The following MRPL28 variants were observed in gnomAD, a reference collection of about 807,000 sequenced individuals.
The protein encoded by MRPL28 is mitochondrial ribosomal protein L28.
A neutral mutation model predicts 26.2 loss-of-function variants in MRPL28; 25 were observed. The observed-to-expected ratio is 0.95, with a 90% CI of 0.69 to 1.33. The LOEUF (loss-of-function observed/expected upper bound fraction) is 1.33. Ranked by LOEUF, MRPL28 falls within the 40% of genes most tolerant of loss-of-function variation. MRPL28 has a pLI of 0.00. For missense variants in MRPL28, 432 were observed against 327.2 expected (o/e 1.32, Z -2.47); for synonymous variants, 227 against 140.1 (o/e 1.62, Z -4.38).
intron 3 of MRPL28, 114 bp downstream of exon 3, chr16:368,954 G>A: frequency 2.3e-6 from 3 of 1,321,836 alleles, no homozygotes; most frequent in South Asian, 1.4e-5. Context: ...CTTTCCCAGT[G>A]ACCCTCCTGT....
In MRPL28 at chr16:368,521, C is replaced by A. The variant is rs773932684; in HGVS notation, c.556G>T (p.Ala186Ser). 1.9e-6 allele frequency: 3 copies of A among 1,593,862 alleles called. No individual in the cohort carries two copies. Among genetic ancestry groups the A allele is most frequent in the South Asian group, 2.2e-5 (2 of 89,080 alleles). ...CTCACCTTGTACTTGTCGTAGATGG[C>A]TGCCCGCCGCTCGGGGTCCTCGGGG... ...LHPEDPERRA[A>S]IYDKYKEFAI... The change falls in exon 4 of 6, where the codon GCC becomes TCC. Residue 186 changes from alanine (A) to serine (S), a missense_variant. Physicochemically the swap from Ala to Ser is moderately conservative, Grantham distance 99 (BLOSUM62 1). Coordinates refer to ENST00000199706, the MANE Select transcript of MRPL28 (RefSeq NM_006428.5).
Position 370,283 on chromosome 16 carries a change from CCCCCTACCCCGGCCCCCGA to C in MRPL28, c.-7-77_-7-59del. The stretch of plus-strand genomic sequence containing the variant: ...AGCCTGGCCAGGCCCCCGGCACTCA[CCCCCTACCCCGGCCCCCGA>C]CTCTCACCCGCTACCCCGGCCCCCG... On this transcript the variant is annotated intron_variant, in intron 1 of 5. Transcript: ENST00000199706. 1.2e-5 allele frequency: 17 copies of C among 1,447,088 alleles called. 2 individuals carry two copies. Among genetic ancestry groups the C allele is most frequent in the Non-Finnish European group, 1.0e-5 (11 of 1,098,468 alleles). The allele number at this position is 1,447,088 out of a possible 1,614,324, so 89.6% of individuals were successfully genotyped here. A position where few individuals can be genotyped will look rare whatever the true frequency, so the allele number is the denominator to read the frequency against.
chr16:368,453 G>T (rs1355663094), intron 4 of MRPL28, 39 bp from the exon 5 acceptor site: 2 of 1,613,256 alleles, frequency 1.2e-6, no homozygotes, highest in African/African-American at 2.7e-5. Flanking sequence ...GAGGCCCAGG[G>T]CCGGGCCACG....
intron 3 of MRPL28, 138 bp from the exon 4 acceptor site, chr16:368,773 C>A (rs2054285824): frequency 7.4e-7 from 1 of 1,345,100 alleles, no homozygotes; most frequent in African/African-American, 1.5e-5. Context: ...CGCCTCAGCA[C>A]CCCAGCCTGG....
At chr16:368,761 G>C in intron 3 of MRPL28, 126 bp from the exon 4 acceptor site, 1 of 1,405,610 alleles carries the variant, frequency 7.1e-7, no homozygotes. Context: ...CCCGGGTGGG[G>C]CCGCCTCAGC....
intron 1 of MRPL28, 37 bp from the exon 2 acceptor site, chr16:370,262 T>C (rs1409946478): frequency 1.3e-6 from 2 of 1,500,528 alleles, no homozygotes; most frequent in Admixed American, 2.0e-5. Flanking sequence ...AGTCGCAGCC[T>C]GGCCAGGCCC....
intron 3 of MRPL28, 139 bp downstream of exon 3, chr16:368,929 A>G (rs775972187): frequency 8.6e-7 from 1 of 1,165,270 alleles, no homozygotes; most frequent in Non-Finnish European, 1.2e-6. Flanking sequence ...AGAAAGGGGC[A>G]TGGCCCCACT....
At chr16:368,231 C>A in intron 5 of MRPL28, 97 bp downstream of exon 5, 1 of 1,422,822 alleles carries the variant, frequency 7.0e-7, no homozygotes, top group South Asian at 1.2e-5. Context: ...ACCCAGTGCA[C>A]CAGCCCCTTG....
chr16:370,302 A>ACTCTCACCCGCTACCCCGGCCGCCGG, intron 1 of MRPL28, 77 bp from the exon 2 acceptor site: 1 of 194,104 alleles, frequency 5.2e-6, no homozygotes, highest in East Asian at 3.3e-4. Context: ...CCGGCCCCCG[A>ACTCTCACCCGCTACCCCGGCCGCCGG]CTCTCACCCG....
intron 5 of MRPL28, 69 bp downstream of exon 5, chr16:368,259 G>A (rs1265575559): frequency 9.0e-6 from 14 of 1,549,386 alleles, no homozygotes; most frequent in Non-Finnish European, 1.2e-5. Flanking sequence ...TCTCTCCAAG[G>A]CAGCACACTC....
rs369130618 is a variant in MRPL28, at chr16:368,530, G to A, written c.547C>T (p.Arg183Trp). The change falls in exon 4 of 6, where the codon CGG becomes TGG. Residue 183 changes from arginine (R) to tryptophan (W), a missense_variant. By Grantham distance (101) the Arg-to-Trp change is moderately radical (BLOSUM62 -3). Coordinates refer to ENST00000199706, the MANE Select transcript of MRPL28 (RefSeq NM_006428.5). ...TACTTGTCGTAGATGGCTGCCCGCC[G>A]CTCGGGGTCCTCGGGGTGCAGCTGG... ...DPQLHPEDPE[R>W]RAAIYDKYKE... 8.8e-5 allele frequency: 141 copies of A among 1,594,932 alleles called. 1 individual carries two copies. Among genetic ancestry groups the A allele is most frequent in the African/African-American group, 8.0e-4 (60 of 74,748 alleles).
At position 367,486 on chromosome 16, in the gene MRPL28, C is replaced by T. The variant is rs756319926; in HGVS notation, c.*189G>A. The T allele has an allele frequency of 4.2e-5, 30 of 716,272 alleles. No individual in the cohort carries two copies. The highest frequency in any genetic ancestry group is 4.9e-4 in the Middle Eastern group (2 of 4,094). The allele number at this position is 716,272 out of a possible 1,614,324, so 44.4% of individuals were successfully genotyped here. The stretch of plus-strand genomic sequence containing the variant: ...GCCCAGCCTGAGAGGAGCCTCTGGG[C>T]GGCCCAGGCCTCCTGGGGATCCCTG... On this transcript the variant is annotated 3_prime_UTR_variant, in exon 6 of 6. Transcript: ENST00000199706.
intron 2 of MRPL28, 38 bp from the exon 3 acceptor site, chr16:369,258 TTC>T: frequency 6.3e-7 from 1 of 1,587,064 alleles, no homozygotes; most frequent in African/African-American, 1.5e-5. Context: ...TACTGCTGCT[TTC>T]TCTTACATAC....
Position 368,533 on chromosome 16 carries a change from C to T in MRPL28, c.544G>A (p.Glu182Lys), listed in dbSNP as rs765442445. The change falls in exon 4 of 6, where the codon GAG (glutamate) becomes AAG (lysine). Residue 182 changes from glutamate (E) to lysine (K), a missense_variant. Coordinates refer to ENST00000199706, the MANE Select transcript of MRPL28 (RefSeq NM_006428.5). ...QDPQLHPEDPERRAAIYDKYK... is the reference protein window; with the variant it reads ...QDPQLHPEDPKRRAAIYDKYK... The stretch of plus-strand genomic sequence containing the variant: ...TTGTCGTAGATGGCTGCCCGCCGCT[C>T]GGGGTCCTCGGGGTGCAGCTGGGGG... The T allele has an allele frequency of 2.6e-5, 41 of 1,593,006 alleles. No individual in the cohort carries two copies. Among genetic ancestry groups the T allele is most frequent in the Non-Finnish European group, 2.9e-5 (34 of 1,167,136 alleles).
intron 5 of MRPL28, among the ~76,000 whole-genome samples, chr16:368,038 T>C (rs1338676474): frequency 6.6e-6 from 1 of 152,234 alleles, no homozygotes; most frequent in Non-Finnish European, 1.5e-5. Context: ...AGGGGCTCCC[T>C]GTCCTGACAG....
At chr16:368,778 G>A (rs1052877545) in intron 3 of MRPL28, 143 bp from the exon 4 acceptor site, 5 of 1,304,976 alleles carry the variant, frequency 3.8e-6, no homozygotes, top group Non-Finnish European at 5.2e-6. Flanking sequence ...CAGCACCCCA[G>A]CCTGGGGGGT....
chr16:367,301 C>T lies in MRPL28; in HGVS notation c.*374G>A. The T allele has an allele frequency of 1.7e-6, 1 of 603,638 alleles. No homozygotes were observed. The highest frequency in any genetic ancestry group is 2.8e-5 in the East Asian group (1 of 35,768). 37.4% of individuals were successfully genotyped at this position (603,638 alleles called of 1,614,324 possible). Reference sequence around the variant, plus strand: ...GCACAGCCAGAGTCAATGCCCACGGCTCATCCGAGGTCTCAGGGGCAGCAA... The same window carrying T: ...GCACAGCCAGAGTCAATGCCCACGGTTCATCCGAGGTCTCAGGGGCAGCAA... On this transcript the variant is annotated 3_prime_UTR_variant, in exon 6 of 6. Transcript: ENST00000199706.
intron 5 of MRPL28, 84 bp downstream of exon 5, chr16:368,244 C>T (rs1419811253): frequency 4.7e-6 from 7 of 1,488,644 alleles, no homozygotes; most frequent in Non-Finnish European, 5.6e-6. Flanking sequence ...GCCCCTTGTG[C>T]AGGCTCTCTC....
In MRPL28 at chr16:370,129, G is replaced by C; in HGVS notation, c.90C>G (p.Arg30=). The C allele has an allele frequency of 1.2e-6, 2 of 1,607,972 alleles. No homozygotes were observed. The highest frequency in any genetic ancestry group is 2.2e-5 in the East Asian group (1 of 44,712). Residue 30 remains arginine, a synonymous_variant, in exon 2 of 6, where the codon CGC becomes CGG. Transcript: ENST00000199706. ...TGGGCGTCCGCTCCTCCTCCAGGGA[G>C]CGCAGGTAGTGGCCGGGCAGGCGGG... ...ICSRLPGHYL[R]SLEEERTPTP...
Sources: allele counts gnomAD v4.1 joint callset (sites outside exome capture counted in the v4.1 genomes callset), GRCh38; gene constraint gnomAD v4.1.1; transcripts MANE v1.5; gene names NCBI Gene and HGNC (gene_info 2026-07-23, HGNC 2026-07-21).